The following RASSF9 variants were observed in gnomAD, a reference collection of about 807,000 sequenced individuals.
RASSF9 encodes ras association domain-containing protein 9.
In RASSF9, 18 loss-of-function variants were observed where a neutral mutation model predicts 21.4. The ratio of observed to expected loss-of-function variants is 0.84; its 90% confidence interval spans 0.58 to 1.25. The LOEUF (loss-of-function observed/expected upper bound fraction) is 1.25. Ranked by LOEUF, RASSF9 falls within the 50% of genes most tolerant of loss-of-function variation. The pLI is 0.00. For synonymous variants in RASSF9, 183 were observed against 179.1 expected, an observed-to-expected ratio of 1.02 and a Z score of -0.18; for missense variants, 480 against 503.2, an observed-to-expected ratio of 0.95 and a Z score of 0.44.
intron 1 of RASSF9, among the ~76,000 whole-genome samples, chr12:85,831,840 A>T (rs1880457856): frequency 6.6e-6 from 1 of 151,966 alleles, no homozygotes; most frequent in Non-Finnish European, 1.5e-5. Flanking sequence ...TGAAGCAATC[A>T]TTGAATGATT....
At chr12:85,818,418 T>C (rs191258529) in intron 1 of RASSF9, among the ~76,000 whole-genome samples, 2 of 152,290 alleles carry the variant, frequency 1.3e-5, no homozygotes, top group Non-Finnish European at 2.9e-5. Flanking sequence ...GTAAATCCAA[T>C]ATAATAATCA....
chr12:85,820,726 A>G (rs541948750), intron 1 of RASSF9, among the ~76,000 whole-genome samples: 1 of 152,224 alleles, frequency 6.6e-6, no homozygotes, highest in Non-Finnish European at 1.5e-5. Flanking sequence ...AATTTTTTTC[A>G]GGAATACGTA....
At chr12:85,813,640 G>A (rs977891316) in intron 1 of RASSF9, among the ~76,000 whole-genome samples, 4 of 151,718 alleles carry the variant, frequency 2.6e-5, no homozygotes, top group African/African-American at 9.7e-5. Context: ...TTGGGGTCTG[G>A]AAAATCAATC....
At chr12:85,810,524 C>A (rs1257308761) in intron 1 of RASSF9, among the ~76,000 whole-genome samples, 2 of 151,758 alleles carry the variant, frequency 1.3e-5, no homozygotes, top group East Asian at 1.9e-4. Context: ...AAATATCCAT[C>A]AAAATTAAAC....
intron 1 of RASSF9, among the ~76,000 whole-genome samples, chr12:85,832,657 T>C (rs1468446701): frequency 2.0e-5 from 3 of 151,934 alleles, no homozygotes; most frequent in South Asian, 2.1e-4. Flanking sequence ...ACTGGTTCCC[T>C]AGCGACTTTT....
intron 1 of RASSF9, among the ~76,000 whole-genome samples, chr12:85,806,560 C>G (rs1248116126): frequency 6.7e-6 from 1 of 149,516 alleles, no homozygotes; most frequent in Non-Finnish European, 1.5e-5. Context: ...GTAATTCCAG[C>G]TACTCAGGAG....
chr12:85,817,016 A>G (rs1358561112), intron 1 of RASSF9, among the ~76,000 whole-genome samples: 18 of 152,152 alleles, frequency 1.2e-4, no homozygotes, highest in Admixed American at 1.0e-3. Context: ...CAATAAGAAG[A>G]CAAGATATTA....
At chr12:85,822,728 G>A (rs1387291905) in intron 1 of RASSF9, among the ~76,000 whole-genome samples, 3 of 152,028 alleles carry the variant, frequency 2.0e-5, no homozygotes, top group East Asian at 3.9e-4. Context: ...TCACCCCTTC[G>A]TAAACTCTTT....
At position 85,803,290 on chromosome 12, in the gene RASSF9, C is replaced by T. The variant is rs759537977; in HGVS notation, c.*1412G>A. The T allele has an allele frequency of 9.2e-5, 14 of 152,138 alleles. No homozygotes were observed. Among genetic ancestry groups the T allele is most frequent in the Admixed American group, 6.5e-4 (10 of 15,288 alleles). The allele number at this position is 152,138 out of a possible 1,614,324, so 9.4% of individuals were successfully genotyped here. ...AAATGAGAAGGATTGGGACCCTTAACCAATGTCCACATATTAAAACTAAGT... is the reference window on the plus strand; with the variant it reads ...AAATGAGAAGGATTGGGACCCTTAATCAATGTCCACATATTAAAACTAAGT... On this transcript the variant is annotated 3_prime_UTR_variant, in exon 2 of 2. Coordinates refer to ENST00000361228, the MANE Select transcript of RASSF9 (RefSeq NM_005447.4).
At chr12:85,814,906 A>G in intron 1 of RASSF9, among the ~76,000 whole-genome samples, 1 of 152,206 alleles carries the variant, frequency 6.6e-6, no homozygotes, top group African/African-American at 2.4e-5. Context: ...TGTGTGGATG[A>G]CATGACATAC....
rs145186288 is a variant in RASSF9 at position 85,828,380 on chromosome 12, G to A, written c.47+7775C>T. Among the ~76,000 whole-genome samples, 344 of 152,080 alleles carry A rather than the reference G, an allele frequency of 2.3e-3. 2 individuals are homozygous for A. Among genetic ancestry groups the A allele is most frequent in the African/African-American group, 7.7e-3 (318 of 41,516 alleles). On this transcript the variant is annotated intron_variant, in intron 1 of 1. Transcript: ENST00000361228. ...AGAGTGTAATCAGATTGTAACACAA[G>A]GATAAATATTTGAGGTGGTAGATAC... is the stretch of plus-strand genomic sequence containing the variant.
chr12:85,822,230 G>A (rs1880227122), intron 1 of RASSF9, among the ~76,000 whole-genome samples: 2 of 152,070 alleles, frequency 1.3e-5, no homozygotes, highest in Non-Finnish European at 1.5e-5. Context: ...ATGATTTTGA[G>A]CTTATATTTA....
intron 1 of RASSF9, among the ~76,000 whole-genome samples, chr12:85,823,199 C>G (rs547878454): frequency 2.5e-3 from 230 of 93,060 alleles, no homozygotes; most frequent in Non-Finnish European, 3.6e-3. Context: ...AACTCCGTCT[C>G]AAAAAAAAAA....
rs1281337438 is a variant in RASSF9 at position 85,815,728 on chromosome 12, G to A, written c.48-9766C>T. ...CTTTAATTCATATGACGCATTGGTC[G>A]CATGTATGTCTTCATTTGAAAAGTA... On this transcript the variant is annotated intron_variant, in intron 1 of 1. Transcript: ENST00000361228. 3.3e-5 allele frequency among the ~76,000 whole-genome samples: 5 copies of A among 150,680 alleles called. No individual in the cohort carries two copies. The South Asian group carries it at 8.3e-4, about 25-fold the overall frequency.
chr12:85,809,013 T>C (rs1879893434), intron 1 of RASSF9, among the ~76,000 whole-genome samples: 2 of 152,154 alleles, frequency 1.3e-5, no homozygotes, highest in Non-Finnish European at 2.9e-5. Flanking sequence ...TTCCAGGCAC[T>C]GTTCGAATCT....
chr12:85,805,246 T>C lies in RASSF9; in HGVS notation c.764A>G (p.Gln255Arg). 6.2e-7 allele frequency: 1 copy of C among 1,613,788 alleles called. No individual in the cohort carries two copies. The highest frequency in any genetic ancestry group is 8.5e-7 in the Non-Finnish European group (1 of 1,179,898). ...ACTTTCGCTCAGGTCCTCCAGAGTC[T>C]GGTTTTCCTCATACTGCAAGTCTAG... Reference protein sequence around the residue: ...QNLDLQYEENQTLEDLSESDG... With the variant: ...QNLDLQYEENRTLEDLSESDG... Residue 255 changes from glutamine (Q) to arginine (R), a missense_variant, in exon 2 of 2, where the codon CAG becomes CGG. By Grantham distance (43) the Gln-to-Arg change is conservative. Coordinates refer to ENST00000361228, the MANE Select transcript of RASSF9 (RefSeq NM_005447.4).
intron 1 of RASSF9, among the ~76,000 whole-genome samples, chr12:85,828,900 A>G (rs1880392739): frequency 6.6e-6 from 1 of 152,128 alleles, no homozygotes; most frequent in Non-Finnish European, 1.5e-5. Flanking sequence ...TGTCTACCCC[A>G]TAAAAAGGTC....
chr12:85,821,708 A>C (rs1880215028), intron 1 of RASSF9, among the ~76,000 whole-genome samples: 1 of 152,102 alleles, frequency 6.6e-6, no homozygotes, highest in African/African-American at 2.4e-5. Flanking sequence ...GTGCTCTACT[A>C]ATGCTACTTT....
At chr12:85,825,934 T>A (rs1246677205) in intron 1 of RASSF9, among the ~76,000 whole-genome samples, 1 of 152,102 alleles carries the variant, frequency 6.6e-6, no homozygotes, top group African/African-American at 2.4e-5. Flanking sequence ...TAATATAAGA[T>A]TAGTCAGCCT....
Sources: allele counts gnomAD v4.1 joint callset (sites outside exome capture counted in the v4.1 genomes callset), GRCh38; gene constraint gnomAD v4.1.1; transcripts MANE v1.5; gene names NCBI Gene and HGNC (gene_info 2026-07-23, HGNC 2026-07-21).